DRD3: variants seen among roughly 807,000 people sequenced by gnomAD.
The protein encoded by DRD3 is dopamine receptor D3, also known as D(3) dopamine receptor.
Under a neutral mutation model 36.3 loss-of-function variants are expected in DRD3, and 19 were observed. The ratio of observed to expected loss-of-function variants is 0.52; its 90% CI spans 0.36 to 0.77. DRD3 has a LOEUF of 0.77. Ranked by LOEUF, DRD3 falls within the 30% of genes least tolerant of loss-of-function variation. The pLI is 0.00. For synonymous variants in DRD3, 195 were observed against 203.7 expected, an observed-to-expected ratio of 0.96 and a Z score of 0.36; for missense variants, 465 against 505.3, an observed-to-expected ratio of 0.92 and a Z score of 0.77.
At chr3:114,140,792 G>C (rs931346816) in intron 4 of DRD3, among the ~76,000 whole-genome samples, 1 of 152,196 alleles carries the variant, frequency 6.6e-6, no homozygotes, top group Non-Finnish European at 1.5e-5. Flanking sequence ...AGCAACAACT[G>C]TTGGTACACC....
chr3:114,180,392 A>C (rs1393483600), upstream of DRD3, among the ~76,000 whole-genome samples: 1 of 152,078 alleles, frequency 6.6e-6, no homozygotes, highest in Non-Finnish European at 1.5e-5. Flanking sequence ...GTGTGAGTTA[A>C]GTTAAAATGG....
At chr3:114,163,974 C>T (rs1285388929) in intron 2 of DRD3, among the ~76,000 whole-genome samples, 1 of 151,852 alleles carries the variant, frequency 6.6e-6, no homozygotes, top group Admixed American at 6.6e-5. Flanking sequence ...CACCTGTAAT[C>T]CCAGCACTTT....
chr3:114,147,211 CT>C (rs1374506365), intron 4 of DRD3, among the ~76,000 whole-genome samples: 5 of 151,958 alleles, frequency 3.3e-5, no homozygotes, highest in African/African-American at 9.7e-5. Flanking sequence ...ACTTTACCCC[CT>C]GTGCCAATAA....
intron 4 of DRD3, among the ~76,000 whole-genome samples, chr3:114,146,811 A>G (rs2077573724): frequency 6.6e-6 from 1 of 152,164 alleles, no homozygotes; most frequent in African/African-American, 2.4e-5. Context: ...GTCATGCTTA[A>G]AATCCCGAGC....
chr3:114,188,918 G>A (rs1214241938), intron 1 of DRD3, among the ~76,000 whole-genome samples: 1 of 152,164 alleles, frequency 6.6e-6, no homozygotes, highest in Non-Finnish European at 1.5e-5. Context: ...TGTTGTCAAA[G>A]GGAATTACCT....
Position 114,149,992 on chromosome 3 carries a change from ACT to A in DRD3, c.384-2437_384-2436del, listed in dbSNP as rs2077602676. Among the ~76,000 whole-genome samples, 4 of 152,284 alleles carry A rather than the reference ACT, an allele frequency of 2.6e-5. No individual in the cohort carries two copies. In the South Asian group the frequency reaches 8.3e-4, roughly 32 times the overall value. On this transcript the variant is annotated intron_variant, in intron 3 of 6. Transcript: ENST00000383673. ...CTGTGTACACAGTGCTGACTTACAG[ACT>A]CTGCAAGATAAAAATGGGTACAGTT...
intron 2 of DRD3, among the ~76,000 whole-genome samples, chr3:114,168,986 G>A (rs1387998053): frequency 1.3e-5 from 2 of 150,680 alleles, no homozygotes; most frequent in African/African-American, 4.9e-5. Flanking sequence ...ATCTTCCTGG[G>A]GGCCCTCAAG....
chr3:114,154,135 A>C (rs547752716), intron 3 of DRD3, among the ~76,000 whole-genome samples: 20 of 152,292 alleles, frequency 1.3e-4, no homozygotes, highest in South Asian at 1.2e-3. Flanking sequence ...CACTTCATGC[A>C]AGCATTTAGC....
At chr3:114,164,238 A>AAAAAAAAAAAAAAAAAAAAAAAAAT in intron 2 of DRD3, among the ~76,000 whole-genome samples, 1 of 150,018 alleles carries the variant, frequency 6.7e-6, no homozygotes, top group Non-Finnish European at 1.5e-5. Context: ...AAAAAAAAAA[A>AAAAAAAAAAAAAAAAAAAAAAAAAT]AAAAAAAAAA....
chr3:114,172,023 G>T lies in DRD3; in HGVS notation c.-31C>A. On this transcript the variant is annotated 5_prime_UTR_variant, in exon 2 of 7. Coordinates refer to ENST00000383673, the MANE Select transcript of DRD3 (RefSeq NM_000796.6). ...AGAGGGAGGTGCGTGATGCCAAGGG[G>T]CTTCCTGTGAGGAGACAGAAAACAA... 7.1e-7 allele frequency: 1 copy of T among 1,402,572 alleles called. No individual in the cohort carries two copies. The highest frequency in any genetic ancestry group is 9.3e-7 in the Non-Finnish European group (1 of 1,073,270). 86.9% of individuals were successfully genotyped at this position (1,402,572 alleles called of 1,614,324 possible).
At chr3:114,168,576 T>C (rs952805348) in intron 2 of DRD3, among the ~76,000 whole-genome samples, 9 of 152,210 alleles carry the variant, frequency 5.9e-5, no homozygotes, top group African/African-American at 2.2e-4. Context: ...TCTCTCTCTC[T>C]CTCATTTCCT....
chr3:114,194,194 A>C (rs1174314159), intron 1 of DRD3, among the ~76,000 whole-genome samples: 1 of 152,148 alleles, frequency 6.6e-6, no homozygotes, highest in East Asian at 1.9e-4. Flanking sequence ...CAGTTTCCTC[A>C]TTTTGTTTCC....
chr3:114,190,239 C>T (rs2077996970), intron 1 of DRD3, among the ~76,000 whole-genome samples: 2 of 150,998 alleles, frequency 1.3e-5, no homozygotes. Flanking sequence ...TATTTGAGCA[C>T]AGGGGTGGTG....
chr3:114,149,853 C>T (rs892216262), intron 3 of DRD3, among the ~76,000 whole-genome samples: 1 of 152,200 alleles, frequency 6.6e-6, no homozygotes, highest in Non-Finnish European at 1.5e-5. Flanking sequence ...GAACTGAATA[C>T]TCCTAACAAC....
upstream of DRD3, among the ~76,000 whole-genome samples, chr3:114,179,913 T>G (rs1320788947): frequency 6.6e-6 from 1 of 152,188 alleles, no homozygotes; most frequent in East Asian, 1.9e-4. Flanking sequence ...GTCATTTTAA[T>G]GCATTGCTCC....
chr3:114,142,938 G>A (rs2077539182), intron 4 of DRD3, among the ~76,000 whole-genome samples: 1 of 152,186 alleles, frequency 6.6e-6, no homozygotes, highest in Admixed American at 6.5e-5. Flanking sequence ...GAGGTGGGTG[G>A]CCAATGAGTA....
intron 2 of DRD3, among the ~76,000 whole-genome samples, chr3:114,163,848 A>C (rs904578895): frequency 6.6e-6 from 1 of 152,188 alleles, no homozygotes; most frequent in Non-Finnish European, 1.5e-5. Flanking sequence ...GCTATGAGGC[A>C]ATGTGATAGG....
intron 4 of DRD3, among the ~76,000 whole-genome samples, chr3:114,146,621 C>T (rs1274989527): frequency 1.3e-5 from 2 of 151,004 alleles, no homozygotes; most frequent in African/African-American, 2.4e-5. Flanking sequence ...ATTGCTTGAA[C>T]CCAGGAGGCA....
chr3:114,131,135 ATTTGGGTTGCCTTC>A lies in DRD3; in HGVS notation c.975_988del (p.Lys325AsnfsTer47). On this transcript the variant is annotated frameshift_variant, in exon 6 of 7. Transcript: ENST00000383673. LOFTEE classifies it high-confidence loss of function. ...AAACTTACCAAGCACAATGGCCACC[ATTTGGGTTGCCTTC>A]TTCTCCCGAAGTGGCACTCCCCGAG... The A allele has an allele frequency of 6.2e-7, 1 of 1,613,920 alleles. No homozygotes were observed. The highest frequency in any genetic ancestry group is 8.5e-7 in the Non-Finnish European group (1 of 1,179,796).
Sources: allele counts gnomAD v4.1 joint callset (sites outside exome capture counted in the v4.1 genomes callset), GRCh38; gene constraint gnomAD v4.1.1; transcripts MANE v1.5; gene names NCBI Gene and HGNC (gene_info 2026-07-23, HGNC 2026-07-21).